Variants in USP10 observed in about 807,000 individuals in gnomAD.
USP10 encodes ubiquitin carboxyl-terminal hydrolase 10.
Under a neutral mutation model 84.5 loss-of-function variants are expected in USP10, and 22 were observed. That is an observed-to-expected ratio of 0.26 (90% CI 0.19 to 0.37). The LOEUF (loss-of-function observed/expected upper bound fraction) is 0.37. Among genes scored for constraint, USP10 ranks in the 10% least tolerant of loss-of-function variants. The pLI is 1.00. For synonymous variants in USP10, 454 were observed against 387.6 expected, an observed-to-expected ratio of 1.17 and a Z score of -2.01; for missense variants, 1,019 against 998.9, an observed-to-expected ratio of 1.02 and a Z score of -0.27.
chr16:84,709,896 C>G (rs1005302460), intron 1 of USP10, among the ~76,000 whole-genome samples: 10 of 151,652 alleles, frequency 6.6e-5, no homozygotes, highest in African/African-American at 2.2e-4. Context: ...AGTGGTTAGC[C>G]GGGAGTCTGG....
intron 1 of USP10, among the ~76,000 whole-genome samples, chr16:84,707,130 A>G (rs1905634645): frequency 6.6e-6 from 1 of 152,200 alleles, no homozygotes; most frequent in Non-Finnish European, 1.5e-5. Context: ...TTTTAAAAGC[A>G]GGTGTTTTGA....
intron 4 of USP10, among the ~76,000 whole-genome samples, chr16:84,758,494 A>G (rs552393247): frequency 6.6e-6 from 1 of 152,334 alleles, no homozygotes; most frequent in African/African-American, 2.4e-5. Context: ...CAGGAAGATT[A>G]AATGTTGCTA....
At chr16:84,731,227 C>T (rs1909185633) in intron 1 of USP10, among the ~76,000 whole-genome samples, 1 of 151,756 alleles carries the variant, frequency 6.6e-6, no homozygotes, top group African/African-American at 2.4e-5. Context: ...GATCCGCCCA[C>T]CTCGGCCTCC....
At chr16:84,744,495 G>C (rs1910979735) in intron 3 of USP10, 138 bp from the exon 4 acceptor site, 2 of 738,076 alleles carry the variant, frequency 2.7e-6, no homozygotes, top group Non-Finnish European at 4.2e-6. Context: ...AAATTGTTCA[G>C]CGTAAGTAAA....
chr16:84,728,838 A>G (rs906615618), intron 1 of USP10, among the ~76,000 whole-genome samples: 26 of 151,994 alleles, frequency 1.7e-4, no homozygotes, highest in African/African-American at 5.8e-4. Context: ...TTCCTCTGTC[A>G]TTCAGGCTGG....
At chr16:84,770,227 C>T (rs562170391) in intron 11 of USP10, among the ~76,000 whole-genome samples, 1 of 152,120 alleles carries the variant, frequency 6.6e-6, no homozygotes, top group African/African-American at 2.4e-5. Flanking sequence ...CCAGATGAGG[C>T]CAGGACCACT....
At chr16:84,772,707 G>A (rs763960593) in intron 12 of USP10, 22 bp downstream of exon 12, 7 of 1,612,834 alleles carry the variant, frequency 4.3e-6, no homozygotes, top group Non-Finnish European at 5.9e-6. Context: ...ATAAGGTCGG[G>A]AGTGTTCGTG....
intron 13 of USP10, among the ~76,000 whole-genome samples, chr16:84,776,434 T>C (rs892010771): frequency 6.6e-6 from 1 of 152,178 alleles, no homozygotes; most frequent in African/African-American, 2.4e-5. Flanking sequence ...CTCCCCCCGA[T>C]CACAATTCCT....
At chr16:84,757,399 GGGGGTGTGT>G (rs1567636428) in intron 4 of USP10, among the ~76,000 whole-genome samples, 178 of 70,528 alleles carry the variant, frequency 2.5e-3, no homozygotes, top group African/African-American at 5.7e-3. Context: ...TGAGAGGGGT[GGGGGTGTGT>G]GTGTGTGTGT....
rs1461776403 is a variant in USP10, at chr16:84,764,259, A to G, written c.1828A>G (p.Ile610Val). The change falls in exon 10 of 14, where the codon ATC (isoleucine) becomes GTC (valine). Residue 610 changes from isoleucine (I) to valine (V), a missense_variant. This residue lies in a region of USP10 where 232 missense variants were observed against 290.1 expected (regional missense o/e 0.80). Transcript: ENST00000219473. ...AATCACCGGCATTTTTGGTGGACAC[A>G]TCAGGTTTGTGCTTTTCTGGAATAA... is the stretch of plus-strand genomic sequence containing the variant. Reference protein sequence around the residue: ...TPITGIFGGHIRSVVYQQSSK... With the variant: ...TPITGIFGGHVRSVVYQQSSK... 1 of 1,614,048 alleles carries G rather than the reference A, an allele frequency of 6.2e-7. No individual in the cohort carries two copies. The highest frequency in any genetic ancestry group is 8.5e-7 in the Non-Finnish European group (1 of 1,179,898).
At chr16:84,706,788 C>T (rs895386993) in intron 1 of USP10, among the ~76,000 whole-genome samples, 2 of 152,074 alleles carry the variant, frequency 1.3e-5, no homozygotes, top group South Asian at 2.1e-4. Context: ...GATCTGCCCA[C>T]CTCGGCCTCC....
chr16:84,773,186 A>G (rs1469732756), intron 12 of USP10, among the ~76,000 whole-genome samples: 2 of 149,762 alleles, frequency 1.3e-5, no homozygotes, highest in Admixed American at 6.6e-5. Context: ...GCAATTTTAA[A>G]GAGCCCCAGG....
At chr16:84,733,409 T>G (rs760434627) in intron 1 of USP10, 26 bp from the exon 2 acceptor site, 55 of 1,524,678 alleles carry the variant, frequency 3.6e-5, no homozygotes, top group African/African-American at 5.5e-5. Context: ...TTTTATGTGA[T>G]CAGTGACTCT....
intron 4 of USP10, among the ~76,000 whole-genome samples, chr16:84,749,642 G>A (rs1176135910): frequency 1.3e-5 from 2 of 151,428 alleles, no homozygotes; most frequent in African/African-American, 2.4e-5. Context: ...TCTCAAGTTT[G>A]TTTCAAATAC....
intron 8 of USP10, 58 bp from the exon 9 acceptor site, chr16:84,762,931 C>T: frequency 9.2e-7 from 1 of 1,083,828 alleles, no homozygotes; most frequent in Non-Finnish European, 1.4e-6. Flanking sequence ...ACTGCATGTC[C>T]TGCAGGCCTT....
At chr16:84,748,679 T>G (rs1911543913) in intron 4 of USP10, among the ~76,000 whole-genome samples, 1 of 152,252 alleles carries the variant, frequency 6.6e-6, no homozygotes, top group African/African-American at 2.4e-5. Context: ...TTCTCTATCT[T>G]TATTTAAAAT....
intron 4 of USP10, among the ~76,000 whole-genome samples, chr16:84,750,283 CT>C (rs1911764421): frequency 6.6e-6 from 1 of 151,698 alleles, no homozygotes; most frequent in Non-Finnish European, 1.5e-5. Context: ...TGGCTCATGG[CT>C]GTAATCCTAG....
chr16:84,724,663 C>G (rs1567602634), intron 1 of USP10, among the ~76,000 whole-genome samples: 1 of 152,212 alleles, frequency 6.6e-6, no homozygotes, highest in African/African-American at 2.4e-5. Context: ...ATTTGTAACA[C>G]TTAGTTCAGC....
At chr16:84,754,150 T>A (rs1035118999) in intron 4 of USP10, among the ~76,000 whole-genome samples, 1 of 152,140 alleles carries the variant, frequency 6.6e-6, no homozygotes. Flanking sequence ...TAGGCAGTGA[T>A]GAGGTCAGCT....
Sources: allele counts gnomAD v4.1 joint callset (sites outside exome capture counted in the v4.1 genomes callset), GRCh38; gene constraint gnomAD v4.1.1; regional missense constraint gnomAD v4.1.1; transcripts MANE v1.5; gene names NCBI Gene and HGNC (gene_info 2026-07-23, HGNC 2026-07-21).